CFAP46: variants seen among roughly 807,000 people sequenced by gnomAD.
CFAP46 encodes the protein cilia and flagella associated protein 46.
CFAP46 carries 245 observed loss-of-function variants against 325.7 expected under a neutral mutation model. The ratio of observed to expected loss-of-function variants is 0.75; its 90% CI spans 0.68 to 0.84. CFAP46 has a LOEUF of 0.84. Ranked by LOEUF, CFAP46 falls within the 40% of genes least tolerant of loss-of-function variation. The probability of loss-of-function intolerance (pLI) is 0.00; values close to 1 mark genes in which losing one functional copy is unlikely to be tolerated. For missense variants in CFAP46, 3,346 were observed against 3,543.0 expected, an observed-to-expected ratio of 0.94 and a Z score of 1.41; for synonymous variants, 1,523 against 1,495.9, an observed-to-expected ratio of 1.02 and a Z score of -0.42.
intron 22 of CFAP46, among the ~76,000 whole-genome samples, chr10:132,904,165 A>T (rs979685309): frequency 6.6e-6 from 1 of 152,258 alleles, no homozygotes; most frequent in Non-Finnish European, 1.5e-5. Flanking sequence ...TAAACTTTTT[A>T]AAGTATCTCT....
chr10:132,913,010 C>G, intron 18 of CFAP46, 36 bp downstream of exon 18: 1 of 1,539,650 alleles, frequency 6.5e-7, no homozygotes, highest in Non-Finnish European at 8.8e-7. Flanking sequence ...GGGAAGAAGC[C>G]CCTCCCTGCG....
At chr10:132,911,496 C>T (rs1240963219) in intron 19 of CFAP46, among the ~76,000 whole-genome samples, 1 of 152,208 alleles carries the variant, frequency 6.6e-6, no homozygotes, top group African/African-American at 2.4e-5. Context: ...GGCCTCCCTG[C>T]CCCCGCCCCA....
intron 57 of CFAP46, among the ~76,000 whole-genome samples, 196 bp from the exon 58 acceptor site, chr10:132,809,100 C>G (rs895156280): frequency 6.6e-6 from 1 of 152,140 alleles, no homozygotes; most frequent in South Asian, 2.1e-4. Flanking sequence ...CAGGCCCGCG[C>G]AGCCGGGTGA....
At chr10:132,909,882 C>T (rs1280619388) in intron 20 of CFAP46, 37 bp downstream of exon 20, 5 of 1,391,302 alleles carry the variant, frequency 3.6e-6, no homozygotes, top group African/African-American at 3.0e-5. Flanking sequence ...GTCCACAGGG[C>T]CTCAGTCAGA....
chr10:132,938,673 T>C lies in CFAP46; in HGVS notation c.452A>G (p.His151Arg), dbSNP rs1321530557. ...RPFLKPGYRH[H>R]LIPSLSQIIN... ...GATTTGGGAAAGGCTGGGGATCAGATGGTGACGATATCCAGGCTTGAGGAA... is the reference window on the plus strand; with the variant it reads ...GATTTGGGAAAGGCTGGGGATCAGACGGTGACGATATCCAGGCTTGAGGAA... The change falls in exon 5 of 58, where the codon CAT becomes CGT. Residue 151 changes from histidine (H) to arginine (R), a missense_variant. Physicochemically the swap from His to Arg is conservative, Grantham distance 29. Transcript: ENST00000368586. The C allele has an allele frequency of 1.2e-6, 2 of 1,613,714 alleles. No homozygotes were observed. Among genetic ancestry groups the C allele is most frequent in the Non-Finnish European group, 1.7e-6 (2 of 1,179,968 alleles).
chr10:132,880,785 G>T, intron 28 of CFAP46, 76 bp downstream of exon 28: 1 of 1,483,390 alleles, frequency 6.7e-7, no homozygotes, highest in Non-Finnish European at 9.0e-7. Flanking sequence ...CCCAACGGCG[G>T]TCCAGATCAC....
At chr10:132,931,003 G>A (rs1849890296) in intron 8 of CFAP46, among the ~76,000 whole-genome samples, 1 of 115,578 alleles carries the variant, frequency 8.7e-6, no homozygotes. Context: ...CAGAGCCTGG[G>A]CCTTCCTCCT....
chr10:132,924,866 C>A lies in CFAP46; in HGVS notation c.1086G>T (p.Gln362His). The A allele has an allele frequency of 7.1e-7, 1 of 1,401,134 alleles. No individual in the cohort carries two copies. The highest frequency in any genetic ancestry group is 9.3e-7 in the Non-Finnish European group (1 of 1,070,368). The allele number at this position is 1,401,134 out of a possible 1,614,324, so 86.8% of individuals were successfully genotyped here. A position where few individuals can be genotyped will look rare whatever the true frequency, so the allele number is the denominator to read the frequency against. ...CTCGCTGCAGCGCGACGTCTAGCCT[C>A]TGTATGATATCCAGCTGGGCCTGCG... Reference protein sequence around the residue: ...AAVEAQLDIIQRLDVALQRAV... With the variant: ...AAVEAQLDIIHRLDVALQRAV... Residue 362 changes from glutamine to histidine, a missense_variant, in exon 11 of 58, where the codon CAG becomes CAT. Transcript: ENST00000368586.
chr10:132,910,051 C>T lies in CFAP46; in HGVS notation c.2517G>A (p.Leu839=), dbSNP rs1251040862. 1.3e-6 allele frequency: 2 copies of T among 1,509,750 alleles called. No homozygotes were observed. The highest frequency in any genetic ancestry group is 1.3e-5 in the South Asian group (1 of 78,244). The allele number at this position is 1,509,750 out of a possible 1,614,324, so 93.5% of individuals were successfully genotyped here. A position where few individuals can be genotyped will look rare whatever the true frequency, so the allele number is the denominator to read the frequency against. The part of the protein sequence containing the change: ...KTAVEVCEFA[L]NLTNGSAPEE... ...CGGGCGCACTCCCATTGGTCAGGTT[C>T]AGGGCAAACTCGCAGACCTAGGACA... Residue 839 remains leucine (L), a synonymous_variant, in exon 20 of 58, where the codon CTG becomes CTA. Coordinates refer to ENST00000368586, the MANE Select transcript of CFAP46 (RefSeq NM_001200049.3).
intron 50 of CFAP46, among the ~76,000 whole-genome samples, chr10:132,821,804 G>C (rs1260680293): frequency 6.9e-6 from 1 of 145,040 alleles, no homozygotes; most frequent in Non-Finnish European, 1.5e-5. Flanking sequence ...TGTGTGTTGT[G>C]TGAGTGCTGA....
Position 132,916,622 on chromosome 10 carries a change from CG to C in CFAP46, c.2046del (p.Glu683LysfsTer3), listed in dbSNP as rs1339296916. 5.8e-6 allele frequency: 9 copies of C among 1,539,842 alleles called. No homozygotes were observed. Among genetic ancestry groups the C allele is most frequent in the East Asian group, 2.5e-5 (1 of 40,096 alleles). Reference protein sequence around the residue: ...GVELNDRAIPPEDLSQHPAGY... With the variant: ...GVELNDRAIPXEDLSQHPAGY... ...CCAGCTGGGTGCTGGCTCAGGTCTT[CG>C]GGGGGGATGGCCCGGTCATTCAGCT... On this transcript the variant is annotated frameshift_variant, in exon 17 of 58. Transcript: ENST00000368586. LOFTEE classifies it high-confidence loss of function.
At position 132,877,333 on chromosome 10, in the gene CFAP46, G is replaced by A. The variant is rs1016586343; in HGVS notation, c.4213-372C>T. Among the ~76,000 whole-genome samples, 9 of 152,154 alleles carry A rather than the reference G, an allele frequency of 5.9e-5. No individual in the cohort carries two copies. Among genetic ancestry groups the A allele is most frequent in the Non-Finnish European group, 8.8e-5 (6 of 68,028 alleles). On this transcript the variant is annotated intron_variant, in intron 30 of 57. Coordinates refer to ENST00000368586, the MANE Select transcript of CFAP46 (RefSeq NM_001200049.3). The surrounding 1 kb of genome is among the most constrained non-coding windows in gnomAD (Gnocchi z 5.7). ...CCATGAACTCAGCAGTGCTCGTGCCGGGGTCCAGGTGTGAGCGTCCTGCTC... is the reference window on the plus strand; with the variant it reads ...CCATGAACTCAGCAGTGCTCGTGCCAGGGTCCAGGTGTGAGCGTCCTGCTC...
intron 39 of CFAP46, among the ~76,000 whole-genome samples, chr10:132,854,760 G>A (rs983312490): frequency 1.3e-4 from 19 of 151,850 alleles, no homozygotes; most frequent in African/African-American, 2.4e-5. Context: ...CTAATTCCAC[G>A]ACATTTTCAT....
chr10:132,823,249 CTGA>C (rs1314137805), intron 50 of CFAP46, among the ~76,000 whole-genome samples: 1 of 100,948 alleles, frequency 9.9e-6, no homozygotes, highest in Non-Finnish European at 1.9e-5. Flanking sequence ...TGTGTGAGCG[CTGA>C]TGTGTGCTGT....
chr10:132,900,230 C>T (rs767763846), intron 22 of CFAP46, among the ~76,000 whole-genome samples: 1 of 152,236 alleles, frequency 6.6e-6, no homozygotes, highest in Non-Finnish European at 1.5e-5. Context: ...AGCCCTGCTG[C>T]CCAAGCCCAC....
At chr10:132,893,182 G>T (rs143134753) in intron 24 of CFAP46, among the ~76,000 whole-genome samples, 127 of 152,340 alleles carry the variant, frequency 8.3e-4, no homozygotes, top group African/African-American at 2.9e-3. Flanking sequence ...AACTGAGCAC[G>T]TGCAAAACTC....
intron 44 of CFAP46, among the ~76,000 whole-genome samples, chr10:132,844,549 C>T (rs891926537): frequency 1.3e-5 from 2 of 152,144 alleles, no homozygotes; most frequent in Admixed American, 6.5e-5. Context: ...GGCTGAGATT[C>T]GGTGCAGCTT....
chr10:132,857,936 C>T (rs767814873), intron 38 of CFAP46, 148 bp from the exon 39 acceptor site: 6 of 713,466 alleles, frequency 8.4e-6, no homozygotes, highest in Non-Finnish European at 1.4e-5. Context: ...CTCGATACGT[C>T]TTAGAGGTTT....
At chr10:132,822,930 GATGTGTGCAC>G (rs1847908738) in intron 50 of CFAP46, among the ~76,000 whole-genome samples, 3 of 136,266 alleles carry the variant, frequency 2.2e-5, no homozygotes, top group Non-Finnish European at 4.7e-5. Context: ...GATGTGTGCT[GATGTGTGCAC>G]TGTGTGCTGT....
Sources: gnomAD v4.1 joint callset for allele counts (sites outside exome capture counted in the v4.1 genomes callset) on GRCh38, gnomAD v4.1.1 for gene constraint, Gnocchi (gnomAD v3.1) non-coding constraint, MANE v1.5 for transcripts, NCBI Gene and HGNC (gene_info 2026-07-23, HGNC 2026-07-21) for gene names.